SIPA1L1: variants seen among roughly 807,000 people sequenced by gnomAD.
SIPA1L1 encodes the protein signal induced proliferation associated 1 like 1.
SIPA1L1 carries 26 observed loss-of-function variants against 162.7 expected under a neutral mutation model. The observed-to-expected ratio is 0.16, with a 90% CI of 0.12 to 0.22. The LOEUF (loss-of-function observed/expected upper bound fraction) is 0.22, where lower values mean the gene tolerates loss of function less well. Ranked by LOEUF, SIPA1L1 falls within the 10% of genes least tolerant of loss-of-function variation. The pLI, the probability that SIPA1L1 is intolerant of heterozygous loss-of-function variation, is 1.00. For synonymous variants in SIPA1L1, 829 were observed against 837.4 expected (o/e 0.99, Z 0.17); for missense variants, 1,874 against 2,241.0 (o/e 0.84, Z 3.31).
chr14:71,649,718 C>T (rs2042465657), intron 7 of SIPA1L1, among the ~76,000 whole-genome samples: 2 of 152,176 alleles, frequency 1.3e-5, no homozygotes, highest in Non-Finnish European at 2.9e-5. Flanking sequence ...TGCAGACACT[C>T]ATCCTTTGGA....
chr14:71,467,679 A>G (rs534673541), intron 2 of SIPA1L1, among the ~76,000 whole-genome samples: 1 of 152,190 alleles, frequency 6.6e-6, no homozygotes, highest in African/African-American at 2.4e-5. Flanking sequence ...AGACAATGTC[A>G]TGCCTAGAGG....
At chr14:71,594,854 C>A (rs969562510) in intron 5 of SIPA1L1, among the ~76,000 whole-genome samples, 1 of 152,172 alleles carries the variant, frequency 6.6e-6, no homozygotes, top group African/African-American at 2.4e-5. Flanking sequence ...AAATGCCTTC[C>A]TGAGAAGCTA....
At chr14:71,443,775 A>G (rs2045116914) in intron 2 of SIPA1L1, among the ~76,000 whole-genome samples, 1 of 152,234 alleles carries the variant, frequency 6.6e-6, no homozygotes. Flanking sequence ...CATAGTTGCA[A>G]CAACACTTTT....
At chr14:71,510,117 C>G (rs1226857811) in intron 2 of SIPA1L1, among the ~76,000 whole-genome samples, 1 of 150,406 alleles carries the variant, frequency 6.6e-6, no homozygotes, top group Non-Finnish European at 1.5e-5. Flanking sequence ...AAAATCTTTT[C>G]TCTTTATACA....
intron 2 of SIPA1L1, among the ~76,000 whole-genome samples, chr14:71,328,639 A>G (rs371814947): frequency 6.6e-6 from 1 of 152,218 alleles, no homozygotes; most frequent in East Asian, 1.9e-4. Flanking sequence ...GTAGAGGCCC[A>G]TTGATTCAAA....
At chr14:71,388,005 C>A (rs900196208) in intron 2 of SIPA1L1, among the ~76,000 whole-genome samples, 1 of 152,240 alleles carries the variant, frequency 6.6e-6, no homozygotes, top group African/African-American at 2.4e-5. Flanking sequence ...CAAGACAGAT[C>A]ACTCTGCAGA....
At chr14:71,413,263 T>C (rs1350906772) in intron 2 of SIPA1L1, among the ~76,000 whole-genome samples, 1 of 152,230 alleles carries the variant, frequency 6.6e-6, no homozygotes, top group African/African-American at 2.4e-5. Flanking sequence ...GTGATTCCCA[T>C]AGGCATGTGA....
chr14:71,686,917 G>C (rs1003008533), intron 13 of SIPA1L1, among the ~76,000 whole-genome samples: 8 of 152,190 alleles, frequency 5.3e-5, no homozygotes, highest in African/African-American at 1.9e-4. Flanking sequence ...TCTGGCAGGA[G>C]CAGGGTGCTG....
intron 7 of SIPA1L1, among the ~76,000 whole-genome samples, chr14:71,648,943 T>G (rs1027235182): frequency 2.0e-5 from 3 of 152,244 alleles, no homozygotes; most frequent in Non-Finnish European, 4.4e-5. Flanking sequence ...TTTGCTCATC[T>G]GTCAAACAGG....
chr14:71,684,044 GC>G (rs1354743347), intron 12 of SIPA1L1, among the ~76,000 whole-genome samples: 1 of 152,310 alleles, frequency 6.6e-6, no homozygotes, highest in East Asian at 1.9e-4. Flanking sequence ...GGAGCCTTGG[GC>G]GGAGGGTCAG....
chr14:71,639,367 C>T (rs151199606), intron 7 of SIPA1L1, among the ~76,000 whole-genome samples: 31 of 152,226 alleles, frequency 2.0e-4, no homozygotes, highest in Non-Finnish European at 4.3e-4. Flanking sequence ...CTATGATCAT[C>T]CTGCTACACT....
At chr14:71,589,527 TTC>T (rs1296532948) in intron 5 of SIPA1L1, among the ~76,000 whole-genome samples, 157 bp downstream of exon 5, 1 of 152,224 alleles carries the variant, frequency 6.6e-6, no homozygotes, top group African/African-American at 2.4e-5. Context: ...CTCAATTTAT[TTC>T]TTTTTGCATT....
intron 2 of SIPA1L1, among the ~76,000 whole-genome samples, chr14:71,489,122 T>C (rs894515814): frequency 6.6e-6 from 1 of 152,226 alleles, no homozygotes; most frequent in Non-Finnish European, 1.5e-5. Flanking sequence ...TCCTCCCCAG[T>C]TGATCATTTA....
At chr14:71,680,733 A>G (rs1015499647) in intron 12 of SIPA1L1, among the ~76,000 whole-genome samples, 12 of 152,232 alleles carry the variant, frequency 7.9e-5, no homozygotes, top group African/African-American at 2.9e-4. Flanking sequence ...GCAGTAAAAA[A>G]TGATAAAGGG....
intron 4 of SIPA1L1, among the ~76,000 whole-genome samples, chr14:71,544,514 ATG>A (rs1172978809): frequency 6.6e-6 from 1 of 152,074 alleles, no homozygotes; most frequent in Non-Finnish European, 1.5e-5. Context: ...ACGCTGTACT[ATG>A]TGTTACCTAA....
At chr14:71,370,601 T>A (rs2038795814) in intron 2 of SIPA1L1, among the ~76,000 whole-genome samples, 1 of 152,206 alleles carries the variant, frequency 6.6e-6, no homozygotes, top group Non-Finnish European at 1.5e-5. Context: ...TTTTGGTGGC[T>A]ACTAAGAGCT....
rs1177795127 is a variant in SIPA1L1, at chr14:71,740,942, C to T, written c.*1781C>T. On this transcript the variant is annotated 3_prime_UTR_variant, in exon 24 of 24. Coordinates refer to ENST00000381232, the MANE Select transcript of SIPA1L1 (RefSeq NM_001386936.1). ...TTACATTTTGTTTGGGGACTTGGGG[C>T]AAGCTATTTATTAGAGTTTTGCAAC... 6.6e-6 allele frequency: 1 copy of T among 152,318 alleles called. No homozygotes were observed. Among genetic ancestry groups the T allele is most frequent in the African/African-American group, 2.4e-5 (1 of 41,570 alleles). The allele number at this position is 152,318 out of a possible 1,614,324, so 9.4% of individuals were successfully genotyped here.
intron 19 of SIPA1L1, among the ~76,000 whole-genome samples, chr14:71,728,585 C>T (rs1377724311): frequency 3.3e-5 from 5 of 152,222 alleles, no homozygotes; most frequent in South Asian, 2.1e-4. Flanking sequence ...GCTTGTTGAG[C>T]GGAAGCATGC....
intron 7 of SIPA1L1, among the ~76,000 whole-genome samples, chr14:71,626,679 T>G (rs2040021877): frequency 6.6e-6 from 1 of 152,236 alleles, no homozygotes; most frequent in African/African-American, 2.4e-5. Context: ...TGTGTCGTTA[T>G]ATTTAAAGAG....
Sources: gnomAD v4.1 joint callset for allele counts (sites outside exome capture counted in the v4.1 genomes callset) on GRCh38, gnomAD v4.1.1 for gene constraint, MANE v1.5 for transcripts, NCBI Gene and HGNC (gene_info 2026-07-23, HGNC 2026-07-21) for gene names.